IFT74: variants seen among roughly 807,000 people sequenced by gnomAD.
The protein encoded by IFT74 is intraflagellar transport protein 74 homolog.
A neutral mutation model predicts 96.7 loss-of-function variants in IFT74; 92 were observed. The observed-to-expected ratio is 0.95, with a 90% confidence interval of 0.80 to 1.13. The LOEUF (loss-of-function observed/expected upper bound fraction) is 1.13. Among genes scored for constraint, IFT74 ranks in the 50% most tolerant of loss-of-function variants. The probability of loss-of-function intolerance (pLI) is 0.00; values close to 1 mark genes in which losing one functional copy is unlikely to be tolerated. For missense variants in IFT74, 811 were observed against 698.2 expected (o/e 1.16, Z -1.82); for synonymous variants, 223 against 213.2 (o/e 1.05, Z -0.40).
At chr9:26,992,591 G>T (rs578241422) in intron 8 of IFT74, among the ~76,000 whole-genome samples, 1 of 152,060 alleles carries the variant, frequency 6.6e-6, no homozygotes, top group East Asian at 1.9e-4. Flanking sequence ...TACTCAGGAG[G>T]CTGAGGCACG....
chr9:27,012,020 A>T (rs372439870), intron 10 of IFT74, 52 bp downstream of exon 10: 6 of 1,154,942 alleles, frequency 5.2e-6, no homozygotes, highest in East Asian at 5.2e-5. Flanking sequence ...AAAAAAGTTA[A>T]TTCAGCCAAG....
At chr9:27,037,253 AAG>A (rs906861698) in intron 13 of IFT74, among the ~76,000 whole-genome samples, 5 of 151,846 alleles carry the variant, frequency 3.3e-5, no homozygotes, top group African/African-American at 1.2e-4. Flanking sequence ...TGCAGAGACT[AAG>A]AAAACATCAA....
intron 16 of IFT74, among the ~76,000 whole-genome samples, chr9:27,054,645 A>C (rs1008816393): frequency 6.6e-6 from 1 of 152,102 alleles, no homozygotes; most frequent in Non-Finnish European, 1.5e-5. Context: ...TACCCCCCAA[A>C]TCAATCCTTG....
chr9:26,963,329 G>A (rs1007044553), intron 2 of IFT74, among the ~76,000 whole-genome samples: 1 of 151,964 alleles, frequency 6.6e-6, no homozygotes, highest in Non-Finnish European at 1.5e-5. Flanking sequence ...TGGTGTATAT[G>A]TGCCACATTT....
At chr9:27,056,285 C>T (rs1820153193) in intron 17 of IFT74, 49 bp from the exon 18 acceptor site, 1 of 1,346,478 alleles carries the variant, frequency 7.4e-7, no homozygotes, top group Non-Finnish European at 1.0e-6. Context: ...TTTATATTGG[C>T]TTACTACATA....
Position 27,056,469 on chromosome 9 carries a change from G to A in IFT74, c.1623+10G>A, listed in dbSNP as rs1820163484. Reference sequence around the variant, plus strand: ...TGAGACACATTCTCAGGTAAAAAATGTTTTAAATGACTTTGAAATTGTCTT... The same window carrying A: ...TGAGACACATTCTCAGGTAAAAAATATTTTAAATGACTTTGAAATTGTCTT... On this transcript the variant is annotated intron_variant, in intron 18 of 19. Transcript: ENST00000380062. 2 of 1,580,440 alleles carry A rather than the reference G, an allele frequency of 1.3e-6. No individual in the cohort carries two copies. The highest frequency in any genetic ancestry group is 1.7e-6 in the Non-Finnish European group (2 of 1,166,592).
chr9:26,998,973 G>A (rs993065237), intron 8 of IFT74, among the ~76,000 whole-genome samples: 5 of 152,164 alleles, frequency 3.3e-5, no homozygotes, highest in Non-Finnish European at 5.9e-5. Context: ...CAGCCTGGGC[G>A]ACAGAGCGAG....
At chr9:26,965,998 G>GTA (rs749926361) in intron 2 of IFT74, among the ~76,000 whole-genome samples, 42 of 151,112 alleles carry the variant, frequency 2.8e-4, no homozygotes, top group South Asian at 1.3e-3. Flanking sequence ...CATAGTATGT[G>GTA]TATATATATA....
At chr9:26,993,678 C>T (rs1215649638) in intron 8 of IFT74, 1 of 151,998 alleles carries the variant, frequency 6.6e-6, no homozygotes, top group African/African-American at 2.4e-5. Flanking sequence ...TATACATAAA[C>T]AATTTGAACA....
upstream of IFT74, among the ~76,000 whole-genome samples, chr9:26,953,466 C>T (rs1442998670): frequency 6.6e-6 from 1 of 152,084 alleles, no homozygotes; most frequent in Non-Finnish European, 1.5e-5. Context: ...TGCTCACTTC[C>T]TAGAAGTGGA....
At chr9:27,052,274 C>T (rs1201786901) in intron 16 of IFT74, among the ~76,000 whole-genome samples, 1 of 152,074 alleles carries the variant, frequency 6.6e-6, no homozygotes, top group Non-Finnish European at 1.5e-5. Flanking sequence ...CTTTGGGAGG[C>T]CAAGGCGGGC....
intron 2 of IFT74, among the ~76,000 whole-genome samples, chr9:26,977,230 C>G (rs1391682036): frequency 6.6e-6 from 1 of 152,054 alleles, no homozygotes; most frequent in Non-Finnish European, 1.5e-5. Context: ...CTTCTCATCT[C>G]AGACTGCCAA....
At chr9:27,009,998 T>A (rs1037819610) in intron 9 of IFT74, among the ~76,000 whole-genome samples, 42 of 150,782 alleles carry the variant, frequency 2.8e-4, no homozygotes, top group African/African-American at 6.6e-4. Context: ...TTAAAAAAAA[T>A]TTTTTTTTTG....
intron 10 of IFT74, 131 bp downstream of exon 10, chr9:27,012,099 C>G (rs938788844): frequency 1.9e-6 from 1 of 531,476 alleles, no homozygotes; most frequent in Non-Finnish European, 3.2e-6. Flanking sequence ...AATACTTTTT[C>G]TTCCTATTCT....
intron 8 of IFT74, among the ~76,000 whole-genome samples, chr9:26,997,205 T>G (rs1235074420): frequency 1.4e-5 from 2 of 142,884 alleles, no homozygotes; most frequent in African/African-American, 5.2e-5. Context: ...ATAACAAAAC[T>G]CTGTCTCAAA....
At chr9:27,030,545 C>T (rs1193916863) in intron 13 of IFT74, among the ~76,000 whole-genome samples, 1 of 36,766 alleles carries the variant, frequency 2.7e-5, no homozygotes, top group Admixed American at 4.7e-4. Flanking sequence ...AAGACTCCGT[C>T]TCAAAAAAAA....
chr9:27,010,068 A>C (rs1007468457), intron 9 of IFT74, among the ~76,000 whole-genome samples: 4 of 151,544 alleles, frequency 2.6e-5, no homozygotes, highest in Admixed American at 1.3e-4. Context: ...GCTCACTGCA[A>C]GCTACGCCTC....
chr9:27,009,054 A>C lies in IFT74; in HGVS notation c.622A>C (p.Ile208Leu), dbSNP rs1336528057. ...EKQIRSVEEE[I>L]EQEKQATDDI... is the part of the protein sequence containing the mutation. ...ACAAATCAGAAGTGTCGAAGAAGAA[A>C]TTGAACAGGAAAAACAAGCAACAGA... is the stretch of plus-strand genomic sequence containing the variant. Residue 208 changes from isoleucine (I) to leucine (L), a missense_variant, in exon 9 of 20, where the codon ATT (isoleucine) becomes CTT (leucine). Transcript: ENST00000380062. 1 of 1,613,314 alleles carries C rather than the reference A, an allele frequency of 6.2e-7. No homozygotes were observed. The highest frequency in any genetic ancestry group is 8.5e-7 in the Non-Finnish European group (1 of 1,179,572).
chr9:27,048,326 G>A, intron 16 of IFT74, 52 bp downstream of exon 16: 1 of 1,205,788 alleles, frequency 8.3e-7, no homozygotes, highest in Non-Finnish European at 1.1e-6. Context: ...ATATATCAAT[G>A]TTATTCTCTG....
Sources: gnomAD v4.1 joint callset for allele counts (sites outside exome capture counted in the v4.1 genomes callset) on GRCh38, gnomAD v4.1.1 for gene constraint, MANE v1.5 for transcripts, NCBI Gene and HGNC (gene_info 2026-07-23, HGNC 2026-07-21) for gene names.